ATE1: variants seen among roughly 807,000 people sequenced by gnomAD.
ATE1 encodes arginyl-tRNA--protein transferase 1.
A neutral mutation model predicts 70.5 loss-of-function variants in ATE1; 36 were observed. The observed-to-expected ratio is 0.51, with a 90% CI of 0.39 to 0.67. The LOEUF is 0.67. Ranked by LOEUF, ATE1 falls within the 30% of genes least tolerant of loss-of-function variation. The pLI, the probability that ATE1 is intolerant of heterozygous loss-of-function variation, is 0.00. For missense variants in ATE1, 593 were observed against 629.5 expected (o/e 0.94, Z 0.62); for synonymous variants, 232 against 219.3 (o/e 1.06, Z -0.51).
At chr10:121,838,013 G>A (rs187341620) in intron 9 of ATE1, among the ~76,000 whole-genome samples, 1 of 152,010 alleles carries the variant, frequency 6.6e-6, no homozygotes, top group Admixed American at 6.6e-5. Context: ...TCCATCAGCA[G>A]GTCTTTTGGG....
intron 8 of ATE1, among the ~76,000 whole-genome samples, chr10:121,853,993 G>C (rs1487694356): frequency 2.0e-5 from 3 of 152,074 alleles, no homozygotes; most frequent in Admixed American, 6.6e-5. Context: ...TTTCCAAAAG[G>C]CCTCACCTCT....
At chr10:121,904,640 CAAAAAAAAA>C (rs778557337) in intron 5 of ATE1, among the ~76,000 whole-genome samples, 4 of 46,492 alleles carry the variant, frequency 8.6e-5, no homozygotes, top group Admixed American at 2.8e-4. Context: ...GACTCCGTCT[CAAAAAAAAA>C]AAAAAAAAAA....
intron 7 of ATE1, among the ~76,000 whole-genome samples, chr10:121,899,252 T>C (rs1271112873): frequency 6.6e-6 from 1 of 152,208 alleles, no homozygotes; most frequent in Non-Finnish European, 1.5e-5. Flanking sequence ...GTCAATATTG[T>C]TGTTAATCAT....
chr10:121,779,707 C>G (rs1945900530), intron 11 of ATE1, among the ~76,000 whole-genome samples: 1 of 152,196 alleles, frequency 6.6e-6, no homozygotes, highest in Non-Finnish European at 1.5e-5. Flanking sequence ...CTCTCATCCC[C>G]TTCCTCCATC....
intron 10 of ATE1, among the ~76,000 whole-genome samples, chr10:121,817,418 A>G (rs965876352): frequency 6.6e-6 from 1 of 152,154 alleles, no homozygotes; most frequent in Non-Finnish European, 1.5e-5. Context: ...GGGCGCCTGT[A>G]GTCCCAGCTA....
At chr10:121,839,156 C>T (rs1948538013) in intron 9 of ATE1, among the ~76,000 whole-genome samples, 2 of 152,204 alleles carry the variant, frequency 1.3e-5, no homozygotes, top group African/African-American at 4.8e-5. Flanking sequence ...CCTCAACTGG[C>T]AAACCTTTCA....
intron 2 of ATE1, among the ~76,000 whole-genome samples, chr10:121,923,448 G>A (rs74158470): frequency 1.3e-5 from 2 of 152,026 alleles, no homozygotes; most frequent in Admixed American, 6.6e-5. Flanking sequence ...CTGGGCAAGA[G>A]AGCGACTCTA....
At chr10:121,837,583 T>C (rs1948475466) in intron 9 of ATE1, among the ~76,000 whole-genome samples, 1 of 152,236 alleles carries the variant, frequency 6.6e-6, no homozygotes. Flanking sequence ...GTTTGTTTCT[T>C]GAAGGTATTC....
At chr10:121,921,580 A>G (rs1951882821) in intron 3 of ATE1, among the ~76,000 whole-genome samples, 1 of 151,984 alleles carries the variant, frequency 6.6e-6, no homozygotes, top group Admixed American at 6.6e-5. Context: ...GAGAAGTACA[A>G]TGAATGTCAT....
intron 7 of ATE1, among the ~76,000 whole-genome samples, chr10:121,876,695 G>A (rs1266111174): frequency 2.6e-5 from 4 of 152,200 alleles, no homozygotes; most frequent in South Asian, 2.1e-4. Flanking sequence ...TGCCGGGCGC[G>A]GTGGCTCACG....
intron 10 of ATE1, among the ~76,000 whole-genome samples, chr10:121,817,503 C>T (rs929043288): frequency 1.3e-5 from 2 of 150,942 alleles, no homozygotes; most frequent in Admixed American, 1.3e-4. Flanking sequence ...CACGCCACTG[C>T]ACTCCAGCCT....
chr10:121,804,705 A>G (rs1020260765), intron 10 of ATE1, among the ~76,000 whole-genome samples: 4 of 150,250 alleles, frequency 2.7e-5, no homozygotes, highest in African/African-American at 7.3e-5. Context: ...TGTGGTACGC[A>G]GCACACATTC....
At chr10:121,813,443 A>G (rs1429338146) in intron 10 of ATE1, among the ~76,000 whole-genome samples, 11 of 152,136 alleles carry the variant, frequency 7.2e-5, no homozygotes. Context: ...CACAGCTGTT[A>G]CCCTCCCTAG....
intron 8 of ATE1, among the ~76,000 whole-genome samples, chr10:121,848,868 G>A (rs1322095825): frequency 1.3e-5 from 2 of 149,024 alleles, no homozygotes; most frequent in East Asian, 2.0e-4. Flanking sequence ...CCAGGATCAC[G>A]CCACTGCACT....
chr10:121,761,911 T>TA (rs1042113432), intron 11 of ATE1, among the ~76,000 whole-genome samples: 1 of 152,192 alleles, frequency 6.6e-6, no homozygotes, highest in Non-Finnish European at 1.5e-5. Flanking sequence ...TGTGATCCCC[T>TA]ACTCATCCTC....
intron 10 of ATE1, among the ~76,000 whole-genome samples, chr10:121,833,156 CCCTTTGCT>C (rs1948309225): frequency 6.6e-6 from 1 of 152,178 alleles, no homozygotes; most frequent in Non-Finnish European, 1.5e-5. Context: ...GTCACCACCT[CCCTTTGCT>C]ATCAGAGTAT....
chr10:121,765,953 C>G (rs1412562029), intron 11 of ATE1, among the ~76,000 whole-genome samples: 2 of 152,134 alleles, frequency 1.3e-5, no homozygotes, highest in African/African-American at 4.8e-5. Context: ...CCTTAAATAT[C>G]AATTTCAGAA....
chr10:121,830,593 A>AT (rs1244774778), intron 10 of ATE1, among the ~76,000 whole-genome samples: 1 of 152,206 alleles, frequency 6.6e-6, no homozygotes, highest in Non-Finnish European at 1.5e-5. Context: ...CAAAGACAAT[A>AT]TCCTTAACTG....
chr10:121,765,786 G>A (rs550541853), intron 11 of ATE1, among the ~76,000 whole-genome samples: 2 of 152,294 alleles, frequency 1.3e-5, no homozygotes, highest in African/African-American at 2.4e-5. Context: ...TTATATCTTA[G>A]TGCAATATTC....
Sources: gnomAD v4.1 joint callset for allele counts (sites outside exome capture counted in the v4.1 genomes callset) on GRCh38, gnomAD v4.1.1 for gene constraint, MANE v1.5 for transcripts, NCBI Gene and HGNC (gene_info 2026-07-23, HGNC 2026-07-21) for gene names.